Variants in TENM2 observed in about 807,000 individuals in gnomAD.
The protein encoded by TENM2 is teneurin-2.
In TENM2, 52 loss-of-function variants were observed where a neutral mutation model predicts 245.2. The ratio of observed to expected loss-of-function variants is 0.21; its 90% CI spans 0.17 to 0.27. The LOEUF (loss-of-function observed/expected upper bound fraction) is 0.27. TENM2 is among the 10% of genes least tolerant of loss of function. TENM2 has a pLI of 1.00. For synonymous variants in TENM2, 1,363 were observed against 1,438.9 expected (o/e 0.95, Z 1.19); for missense variants, 3,046 against 3,666.8 (o/e 0.83, Z 4.37).
chr5:168,239,676 C>T (rs938569625), intron 25 of TENM2, among the ~76,000 whole-genome samples: 1 of 152,164 alleles, frequency 6.6e-6, no homozygotes, highest in Non-Finnish European at 1.5e-5. Context: ...CCCTCACACA[C>T]TAATATCATC....
intron 1 of TENM2, among the ~76,000 whole-genome samples, chr5:167,302,745 C>T (rs751014451): frequency 6.6e-6 from 1 of 151,838 alleles, no homozygotes; most frequent in Non-Finnish European, 1.5e-5. Flanking sequence ...CCCAGAAAAG[C>T]GGAGAAGGGG....
chr5:167,156,623 GC>G, the TENM2 span, among the ~76,000 whole-genome samples: 1 of 152,138 alleles, frequency 6.6e-6, no homozygotes, highest in African/African-American at 2.4e-5. Flanking sequence ...CCCTCGTGCT[GC>G]TGTGAATGGC....
intron 4 of TENM2, among the ~76,000 whole-genome samples, chr5:167,953,140 A>C (rs1290565802): frequency 6.6e-6 from 1 of 152,214 alleles, no homozygotes; most frequent in African/African-American, 2.4e-5. Context: ...GGGTATATTG[A>C]CTGAAAGCTG....
chr5:167,980,375 A>T (rs1016151905), intron 4 of TENM2, among the ~76,000 whole-genome samples: 1 of 152,158 alleles, frequency 6.6e-6, no homozygotes, highest in African/African-American at 2.4e-5. Context: ...GTGAGCTTTG[A>T]GGAGAGACTT....
intron 2 of TENM2, among the ~76,000 whole-genome samples, chr5:167,600,637 A>G (rs965386016): frequency 2.6e-5 from 4 of 152,184 alleles, no homozygotes; most frequent in African/African-American, 9.7e-5. Flanking sequence ...ATGAAATGAA[A>G]ACAACTCTTT....
intron 2 of TENM2, among the ~76,000 whole-genome samples, chr5:167,518,016 G>C (rs1171455707): frequency 6.6e-6 from 1 of 151,810 alleles, no homozygotes; most frequent in African/African-American, 2.4e-5. Flanking sequence ...GTGAAACCCC[G>C]TCTCTACTAA....
the TENM2 span, among the ~76,000 whole-genome samples, chr5:167,033,247 A>G: frequency 6.6e-6 from 1 of 152,212 alleles, no homozygotes; most frequent in Non-Finnish European, 1.5e-5. Flanking sequence ...TATTCGTGCT[A>G]TTTTTTGGAG....
exon 24 of TENM2, chr5:168,226,176 A>G (rs975290607): frequency 1.1e-5 from 18 of 1,613,706 alleles, no homozygotes; most frequent in Non-Finnish European, 1.5e-5. Context: ...ATCTATTACC[A>G]TTGACATTGA....
intron 12 of TENM2, among the ~76,000 whole-genome samples, chr5:168,146,248 C>T (rs1276875880): frequency 6.6e-6 from 1 of 151,492 alleles, no homozygotes; most frequent in Non-Finnish European, 1.5e-5. Flanking sequence ...GCACATATGA[C>T]ATAAACAGCT....
chr5:168,206,563 G>A (rs552701061), intron 19 of TENM2, among the ~76,000 whole-genome samples: 4 of 152,324 alleles, frequency 2.6e-5, no homozygotes, highest in African/African-American at 9.6e-5. Context: ...ACCAGAGGGT[G>A]AACAATGAGA....
chr5:168,053,417 C>G (rs540058577), intron 6 of TENM2, among the ~76,000 whole-genome samples: 4 of 152,312 alleles, frequency 2.6e-5, no homozygotes, highest in African/African-American at 9.6e-5. Flanking sequence ...CCACACTTCT[C>G]TTTCAGAATT....
chr5:168,103,489 G>A (rs150739045), intron 9 of TENM2, among the ~76,000 whole-genome samples: 18 of 151,910 alleles, frequency 1.2e-4, no homozygotes, highest in Admixed American at 4.6e-4. Flanking sequence ...ACAGTTCCTC[G>A]TTACTCCTTG....
intron 2 of TENM2, among the ~76,000 whole-genome samples, chr5:167,733,453 G>T (rs1760579084): frequency 1.3e-5 from 2 of 152,040 alleles, no homozygotes; most frequent in South Asian, 4.2e-4. Flanking sequence ...CTAACAACTG[G>T]CTCCCATGAT....
the TENM2 span, among the ~76,000 whole-genome samples, chr5:167,102,158 G>A: frequency 6.6e-6 from 1 of 150,834 alleles, no homozygotes; most frequent in Non-Finnish European, 1.5e-5. Flanking sequence ...TCCAGGAGGC[G>A]GAGGTTGCAA....
At chr5:166,984,708 G>A in the TENM2 span, among the ~76,000 whole-genome samples, 2 of 152,062 alleles carry the variant, frequency 1.3e-5, no homozygotes, top group African/African-American at 4.8e-5. Flanking sequence ...AGCTATATTC[G>A]TGCATATGGC....
At chr5:167,824,889 A>G (rs1294969127) in intron 2 of TENM2, among the ~76,000 whole-genome samples, 2 of 152,182 alleles carry the variant, frequency 1.3e-5, no homozygotes, top group East Asian at 1.9e-4. Context: ...CATGTTTCAG[A>G]TGGAGTCTGG....
intron 12 of TENM2, among the ~76,000 whole-genome samples, chr5:168,148,090 C>A (rs1184003615): frequency 6.6e-6 from 1 of 152,190 alleles, no homozygotes; most frequent in Admixed American, 6.5e-5. Flanking sequence ...AATTGCTCTG[C>A]TGCAATTTGG....
intron 3 of TENM2, among the ~76,000 whole-genome samples, chr5:167,939,988 C>T (rs1286893882): frequency 6.6e-6 from 1 of 152,156 alleles, no homozygotes; most frequent in Non-Finnish European, 1.5e-5. Flanking sequence ...TGGGAGGCCT[C>T]TGCTCCCATT....
chr5:167,251,188 T>C, the TENM2 span, among the ~76,000 whole-genome samples: 1 of 152,072 alleles, frequency 6.6e-6, no homozygotes, highest in East Asian at 1.9e-4. Flanking sequence ...GATTCCAAGG[T>C]CCAGCTTTGT....
Sources: gnomAD v4.1 joint callset for allele counts (sites outside exome capture counted in the v4.1 genomes callset) on GRCh38, gnomAD v4.1.1 for gene constraint, MANE v1.5 for transcripts, NCBI Gene and HGNC (gene_info 2026-07-23, HGNC 2026-07-21) for gene names.